RFK: variants seen among roughly 807,000 people sequenced by gnomAD.
RFK encodes riboflavin kinase, also known as 0610038L10Rik.
A neutral mutation model predicts 17.6 loss-of-function variants in RFK; 4 were observed. That is an observed-to-expected ratio of 0.23 (90% confidence interval 0.11 to 0.52). RFK has a LOEUF of 0.52. Ranked by LOEUF, RFK falls within the 20% of genes least tolerant of loss-of-function variation. The probability of loss-of-function intolerance (pLI) is 0.96; values close to 1 mark genes in which losing one functional copy is unlikely to be tolerated. For synonymous variants in RFK, 59 were observed against 63.8 expected, an observed-to-expected ratio of 0.92 and a Z score of 0.36; for missense variants, 189 against 187.7, an observed-to-expected ratio of 1.01 and a Z score of -0.04.
At chr9:76,390,144 T>C (rs1475701556) in intron 2 of RFK, among the ~76,000 whole-genome samples, 5 of 152,230 alleles carry the variant, frequency 3.3e-5, no homozygotes, top group Non-Finnish European at 7.3e-5. Context: ...GTATTTTCAA[T>C]GAATAGGCTG....
intron 1 of RFK, among the ~76,000 whole-genome samples, chr9:76,393,338 C>G (rs1822843048): frequency 6.6e-6 from 1 of 152,038 alleles, no homozygotes; most frequent in Admixed American, 6.6e-5. Context: ...TCCCGAGTAG[C>G]TGGGATGACA....
chr9:76,393,718 G>C (rs1421792687), intron 1 of RFK: 4 of 301,304 alleles, frequency 1.3e-5, no homozygotes, highest in Non-Finnish European at 2.5e-5. Flanking sequence ...AACCACCTTA[G>C]ACCCGGCTTG....
chr9:76,394,206 G>C lies in RFK; in HGVS notation c.-35C>G. ...CGCTCGGGGAATGGGCTGCGGCCCGGTCTGCGCGTCCTGCGGAGCCGCCGT... is the reference window on the plus strand; with the variant it reads ...CGCTCGGGGAATGGGCTGCGGCCCGCTCTGCGCGTCCTGCGGAGCCGCCGT... On this transcript the variant is annotated 5_prime_UTR_variant, in exon 1 of 4. Transcript: ENST00000376736. 1 of 1,554,536 alleles carries C rather than the reference G, an allele frequency of 6.4e-7. No homozygotes were observed. Among genetic ancestry groups the C allele is most frequent in the Non-Finnish European group, 8.7e-7 (1 of 1,151,090 alleles).
rs1203077071 is a variant in RFK, at chr9:76,387,052, C to T, written c.*347G>A. ...TCTCTGTTTAGAAGTACACACTACACAAGTACATACATGCTGGCATTTTAC... is the reference window on the plus strand; with the variant it reads ...TCTCTGTTTAGAAGTACACACTACATAAGTACATACATGCTGGCATTTTAC... On this transcript the variant is annotated 3_prime_UTR_variant, in exon 4 of 4. Coordinates refer to ENST00000376736, the MANE Select transcript of RFK (RefSeq NM_018339.6). The T allele has an allele frequency of 1.1e-5, 2 of 188,948 alleles. No homozygotes were observed. The highest frequency in any genetic ancestry group is 1.0e-4 in the South Asian group (1 of 10,000). 11.7% of individuals were successfully genotyped at this position (188,948 alleles called of 1,614,324 possible).
intron 2 of RFK, 52 bp from the exon 3 acceptor site, chr9:76,388,708 A>G: frequency 4.1e-6 from 4 of 976,750 alleles, no homozygotes; most frequent in Non-Finnish European, 6.5e-6. Flanking sequence ...GTGTACTGAA[A>G]TCTGAAATAC....
chr9:76,389,351 T>C (rs997555426), intron 2 of RFK, among the ~76,000 whole-genome samples: 3 of 152,064 alleles, frequency 2.0e-5, no homozygotes, highest in Admixed American at 2.0e-4. Flanking sequence ...TCGTCTGTAA[T>C]GGGTGGGGGG....
rs1422322040 is a variant in RFK, at chr9:76,387,771, G to A, written c.338-242C>T. On this transcript the variant is annotated intron_variant, in intron 3 of 3. Transcript: ENST00000376736. ...TCCCAGCACTTTGGGAAGCTGAGGCGGGCAGATCACCTGAAGTCCGGAGTT... is the reference window on the plus strand; with the variant it reads ...TCCCAGCACTTTGGGAAGCTGAGGCAGGCAGATCACCTGAAGTCCGGAGTT... The A allele has an allele frequency of 4.7e-5, 16 of 341,942 alleles. 1 individual carries two copies. The highest frequency in any genetic ancestry group is 4.2e-4 in the South Asian group (10 of 23,532). The allele number at this position is 341,942 out of a possible 1,614,324, so 21.2% of individuals were successfully genotyped here. A position where few individuals can be genotyped will look rare whatever the true frequency, so the allele number is the denominator to read the frequency against.
chr9:76,392,837 G>A (rs1822835118), intron 1 of RFK, among the ~76,000 whole-genome samples: 1 of 152,188 alleles, frequency 6.6e-6, no homozygotes, highest in African/African-American at 2.4e-5. Flanking sequence ...GCAGATGGAG[G>A]CTGCAGTAAG....
At chr9:76,391,557 G>C (rs1822821057) in intron 2 of RFK, among the ~76,000 whole-genome samples, 1 of 152,190 alleles carries the variant, frequency 6.6e-6, no homozygotes, top group South Asian at 2.1e-4. Flanking sequence ...TGAATGAAGT[G>C]CATTAATTGT....
In RFK at chr9:76,387,252, T is replaced by G; in HGVS notation, c.*147A>C. 1 of 689,310 alleles carries G rather than the reference T, an allele frequency of 1.5e-6. No individual in the cohort carries two copies. The highest frequency in any genetic ancestry group is 2.4e-6 in the Non-Finnish European group (1 of 413,786). 42.7% of individuals were successfully genotyped at this position (689,310 alleles called of 1,614,324 possible). On this transcript the variant is annotated 3_prime_UTR_variant, in exon 4 of 4. Coordinates refer to ENST00000376736, the MANE Select transcript of RFK (RefSeq NM_018339.6). Reference sequence around the variant, plus strand: ...TGGGCTTAATTTAATAGTTGAAGCATGATATGATAACAACATTGTACGGTT... The same window carrying G: ...TGGGCTTAATTTAATAGTTGAAGCAGGATATGATAACAACATTGTACGGTT...
In RFK at chr9:76,393,834, T is replaced by C. The variant is rs151223786; in HGVS notation, c.82+256A>G. 676 of 500,250 alleles carry C rather than the reference T, an allele frequency of 1.4e-3. 1 individual carries two copies. Among genetic ancestry groups the C allele is most frequent in the African/African-American group, 0.011 (531 of 49,618 alleles). 31.0% of individuals were successfully genotyped at this position (500,250 alleles called of 1,614,324 possible). ...CCAAGGAGGCGTGAACGGGGAATCC[T>C]GCGATTCATCTCGGGCTTCCGGCCC... On this transcript the variant is annotated intron_variant, in intron 1 of 3. Coordinates refer to ENST00000376736, the MANE Select transcript of RFK (RefSeq NM_018339.6).
In RFK at chr9:76,394,378, T is replaced by C. The variant is rs1052649443; in HGVS notation, c.-207A>G. 6 of 485,594 alleles carry C rather than the reference T, an allele frequency of 1.2e-5. No individual in the cohort carries two copies. The African/African-American group carries it at 1.2e-4, about 10-fold the overall frequency. The allele number at this position is 485,594 out of a possible 1,614,324, so 30.1% of individuals were successfully genotyped here. On this transcript the variant is annotated 5_prime_UTR_variant, in exon 1 of 4. Coordinates refer to ENST00000376736, the MANE Select transcript of RFK (RefSeq NM_018339.6). Reference sequence around the variant, plus strand: ...GACCCAACAAATACCGCCGGGCGCCTGAGGAGCTGCGTCTCCGCTGGAGGG... The same window carrying C: ...GACCCAACAAATACCGCCGGGCGCCCGAGGAGCTGCGTCTCCGCTGGAGGG...
Position 76,388,672 on chromosome 9 carries a change from G to A in RFK, c.235-16C>T, listed in dbSNP as rs1275351890. The A allele has an allele frequency of 1.4e-6, 2 of 1,425,008 alleles. No homozygotes were observed. The highest frequency in any genetic ancestry group is 2.0e-6 in the Non-Finnish European group (2 of 1,009,556). The allele number at this position is 1,425,008 out of a possible 1,614,324, so 88.3% of individuals were successfully genotyped here. On this transcript the variant is annotated splice_polypyrimidine_tract_variant and intron_variant, in intron 2 of 3. Transcript: ENST00000376736. ...TATGTGTTTCCTATAGTCAAGAAAT[G>A]TTACAAAGAGTGCTATCAGACTACA...
At chr9:76,392,843 G>C (rs1281118409) in intron 1 of RFK, among the ~76,000 whole-genome samples, 1 of 152,232 alleles carries the variant, frequency 6.6e-6, no homozygotes, top group African/African-American at 2.4e-5. Context: ...GGAGGCTGCA[G>C]TAAGCTATGA....
At chr9:76,393,914 C>G in intron 1 of RFK, 176 bp downstream of exon 1, 2 of 609,002 alleles carry the variant, frequency 3.3e-6, no homozygotes, top group South Asian at 4.3e-5. Flanking sequence ...CAGGGACAAG[C>G]TCCCTCAACC....
At chr9:76,389,760 A>G (rs908877097) in intron 2 of RFK, among the ~76,000 whole-genome samples, 4 of 151,944 alleles carry the variant, frequency 2.6e-5, no homozygotes, top group African/African-American at 9.7e-5. Context: ...CAGAGCGAAG[A>G]CTCCATCTCA....
At chr9:76,388,497 G>T (rs2501925) in intron 3 of RFK, 57 bp downstream of exon 3, 623,150 of 1,049,358 alleles carry the variant, frequency 0.59, 188,089 homozygotes, top group Admixed American at 0.64. Flanking sequence ...GGTAGTAGTG[G>T]TAGAGTTACC....
In RFK at chr9:76,387,371, G is replaced by A; in HGVS notation, c.*28C>T. The stretch of plus-strand genomic sequence containing the variant: ...ATAAACACAGAAACACTAGAAAACA[G>A]TGAATGAATAAATAATACAATTTTT... On this transcript the variant is annotated 3_prime_UTR_variant, in exon 4 of 4. Coordinates refer to ENST00000376736, the MANE Select transcript of RFK (RefSeq NM_018339.6). 6.3e-7 allele frequency: 1 copy of A among 1,588,694 alleles called. No homozygotes were observed. The highest frequency in any genetic ancestry group is 8.6e-7 in the Non-Finnish European group (1 of 1,165,488).
chr9:76,389,953 GA>G (rs1303475215), intron 2 of RFK, among the ~76,000 whole-genome samples: 2 of 151,982 alleles, frequency 1.3e-5, no homozygotes, highest in Admixed American at 1.3e-4. Flanking sequence ...AATTTATATG[GA>G]AAAACCAAAA....
Sources: allele counts gnomAD v4.1 joint callset (sites outside exome capture counted in the v4.1 genomes callset), GRCh38; gene constraint gnomAD v4.1.1; transcripts MANE v1.5; gene names NCBI Gene and HGNC (gene_info 2026-07-23, HGNC 2026-07-21).